CSMD1: variants seen among roughly 807,000 people sequenced by gnomAD.
CSMD1 encodes CUB and Sushi multiple domains 1, also known as CUB and sushi domain-containing protein 1.
Under a neutral mutation model 417.5 loss-of-function variants are expected in CSMD1, and 213 were observed. The observed-to-expected ratio is 0.51, with a 90% CI of 0.46 to 0.57. The LOEUF (loss-of-function observed/expected upper bound fraction) is 0.57, where lower values mean the gene tolerates loss of function less well. CSMD1 is among the 20% of genes least tolerant of loss of function. The probability of loss-of-function intolerance (pLI) is 0.00; values close to 1 mark genes in which losing one functional copy is unlikely to be tolerated. For missense variants in CSMD1, 6,923 were observed against 4,529.7 expected, an observed-to-expected ratio of 1.53 and a Z score of -15.17; for synonymous variants, 2,862 against 1,736.8, an observed-to-expected ratio of 1.65 and a Z score of -16.11.
intron 5 of CSMD1, among the ~76,000 whole-genome samples, chr8:3,911,012 T>C (rs910319646): frequency 2.6e-5 from 4 of 152,304 alleles, no homozygotes; most frequent in South Asian, 2.1e-4. Context: ...GTCCTACTTA[T>C]TCAGGGGCTG....
At position 3,747,161 on chromosome 8, in the gene CSMD1, C is replaced by T. The variant is rs1039419278; in HGVS notation, c.931+6769G>A. Among the ~76,000 whole-genome samples the T allele has an allele frequency of 1.3e-5, 2 of 152,218 alleles. 1 individual carries two copies. Among genetic ancestry groups the T allele is most frequent in the Admixed American group, 1.3e-4 (2 of 15,286 alleles). On this transcript the variant is annotated intron_variant, in intron 6 of 69. Transcript: ENST00000635120. ...CCAAGAGCACAGCAGCCTGTACTCA[C>T]ATCCTGGTTCTGCCATTTGCAAGCT...
intron 3 of CSMD1, among the ~76,000 whole-genome samples, chr8:4,152,434 T>G (rs1194616598): frequency 6.6e-6 from 1 of 152,076 alleles, no homozygotes; most frequent in Non-Finnish European, 1.5e-5. Context: ...ATCCCAGCAA[T>G]TTGGCCAAGG....
At chr8:3,724,307 C>T (rs1470052009) in intron 6 of CSMD1, among the ~76,000 whole-genome samples, 1 of 151,926 alleles carries the variant, frequency 6.6e-6, no homozygotes, top group Non-Finnish European at 1.5e-5. Context: ...ACTAACTCGT[C>T]ATCTAGCATT....
chr8:3,311,407 A>T (rs1229075621), intron 23 of CSMD1, among the ~76,000 whole-genome samples: 1 of 151,938 alleles, frequency 6.6e-6, no homozygotes, highest in East Asian at 1.9e-4. Context: ...GAGCCATCAC[A>T]CCCAGCTAAT....
At chr8:4,935,252 T>A (rs1358928938) in intron 1 of CSMD1, among the ~76,000 whole-genome samples, 4 of 152,210 alleles carry the variant, frequency 2.6e-5, no homozygotes, top group Admixed American at 2.6e-4. Flanking sequence ...CACACCTTTC[T>A]TCTTCAGTTA....
rs375819109 is a variant in CSMD1 at position 4,918,932 on chromosome 8, G to A, written c.85+75400C>T. ...AAAAAGTAGTAAAATTCTGGGGGGT[G>A]TATGTATGTTTGGTTTATATTTTTT... On this transcript the variant is annotated intron_variant, in intron 1 of 69. Transcript: ENST00000635120. 1.4e-4 allele frequency among the ~76,000 whole-genome samples: 22 copies of A among 152,232 alleles called. No individual in the cohort carries two copies. The East Asian group carries it at 1.9e-3, about 13-fold the overall frequency.
At chr8:4,139,348 T>A (rs202061868) in intron 3 of CSMD1, among the ~76,000 whole-genome samples, 44,831 of 151,674 alleles carry the variant, frequency 0.3, 8,091 homozygotes, top group Non-Finnish European at 0.39. Flanking sequence ...ATGAAAATTT[T>A]TTGACCAGGT....
At chr8:4,059,599 G>A in intron 3 of CSMD1, among the ~76,000 whole-genome samples, 1 of 151,872 alleles carries the variant, frequency 6.6e-6, no homozygotes, top group African/African-American at 2.4e-5. Flanking sequence ...AATAAAAAAT[G>A]ATAAAGGGGA....
intron 2 of CSMD1, among the ~76,000 whole-genome samples, chr8:4,609,283 C>T (rs1396792853): frequency 6.6e-6 from 1 of 152,076 alleles, no homozygotes; most frequent in Non-Finnish European, 1.5e-5. Context: ...TGCCTTTGGT[C>T]CCAGCTACTC....
chr8:3,723,175 G>A (rs79285246), intron 6 of CSMD1, among the ~76,000 whole-genome samples: 2,447 of 152,130 alleles, frequency 0.016, 53 homozygotes, highest in African/African-American at 0.044. Context: ...GCTAATGAAG[G>A]GGCCACTCGG....
chr8:3,485,538 C>CACACACACAGATAG (rs376214281), intron 11 of CSMD1, among the ~76,000 whole-genome samples: 1 of 134,922 alleles, frequency 7.4e-6, no homozygotes, highest in Non-Finnish European at 1.5e-5. Context: ...CACACACACA[C>CACACACACAGATAG]AGAGAGAGAG....
intron 49 of CSMD1, among the ~76,000 whole-genome samples, chr8:3,078,248 T>C (rs1224780987): frequency 6.6e-6 from 1 of 152,196 alleles, no homozygotes; most frequent in East Asian, 1.9e-4. Context: ...TTATACAAAA[T>C]TACCCTTTTT....
intron 1 of CSMD1, among the ~76,000 whole-genome samples, chr8:4,785,137 G>A (rs1425126841): frequency 2.0e-5 from 3 of 152,128 alleles, no homozygotes; most frequent in African/African-American, 7.2e-5. Flanking sequence ...TAAACCATGT[G>A]GAAAAGATAG....
chr8:4,569,248 G>C (rs1046167426), intron 2 of CSMD1, among the ~76,000 whole-genome samples: 2 of 152,112 alleles, frequency 1.3e-5, no homozygotes, highest in South Asian at 4.1e-4. Context: ...TATTGCCTAG[G>C]TTTTCTTCTA....
chr8:3,463,075 G>A (rs1410693271), intron 12 of CSMD1, among the ~76,000 whole-genome samples: 2 of 152,184 alleles, frequency 1.3e-5, no homozygotes, highest in Non-Finnish European at 2.9e-5. Flanking sequence ...TGCCTTGATC[G>A]TGGACTTCCC....
intron 23 of CSMD1, among the ~76,000 whole-genome samples, chr8:3,312,915 G>T (rs1805462318): frequency 7.2e-5 from 11 of 152,118 alleles, no homozygotes; most frequent in Admixed American, 7.2e-4. Context: ...CAAATTGCAT[G>T]AAGTACATTT....
At chr8:4,425,145 A>G (rs772857980) in intron 2 of CSMD1, among the ~76,000 whole-genome samples, 33 of 152,086 alleles carry the variant, frequency 2.2e-4, no homozygotes, top group Non-Finnish European at 5.9e-5. Flanking sequence ...ATACAATTTC[A>G]TGTCCCTTTA....
At chr8:3,538,759 A>G (rs749524125) in intron 10 of CSMD1, among the ~76,000 whole-genome samples, 1 of 152,144 alleles carries the variant, frequency 6.6e-6, no homozygotes, top group Non-Finnish European at 1.5e-5. Flanking sequence ...ACACAGCTCT[A>G]CATGTATCCT....
Position 3,497,573 on chromosome 8 carries a change from T to C in CSMD1, c.1345-3847A>G, listed in dbSNP as rs567929280. 2.0e-4 allele frequency among the ~76,000 whole-genome samples: 30 copies of C among 152,238 alleles called. 1 individual carries two copies. The East Asian group carries it at 5.8e-3, about 30-fold the overall frequency. ...GGTCAATATACCCAGCCATTTCACA[T>C]TTTTTCACTTAAAGTCCATGTTATC... On this transcript the variant is annotated intron_variant, in intron 10 of 69. Transcript: ENST00000635120.
Sources: allele counts gnomAD v4.1 joint callset (sites outside exome capture counted in the v4.1 genomes callset), GRCh38; gene constraint gnomAD v4.1.1; transcripts MANE v1.5; gene names NCBI Gene and HGNC (gene_info 2026-07-23, HGNC 2026-07-21).